NRXN3: variants seen among roughly 807,000 people sequenced by gnomAD.
NRXN3 encodes neurexin III.
Under a neutral mutation model 137.6 loss-of-function variants are expected in NRXN3, and 32 were observed. That is an observed-to-expected ratio of 0.23 (90% CI 0.18 to 0.31). The LOEUF (loss-of-function observed/expected upper bound fraction) is 0.31, where lower values mean the gene tolerates loss of function less well. Among genes scored for constraint, NRXN3 ranks in the 10% least tolerant of loss-of-function variants. The pLI, the probability that NRXN3 is intolerant of heterozygous loss-of-function variation, is 1.00. For missense variants in NRXN3, 1,574 were observed against 2,062.5 expected (o/e 0.76, Z 4.59); for synonymous variants, 798 against 784.5 (o/e 1.02, Z -0.29).
intron 8 of NRXN3, among the ~76,000 whole-genome samples, chr14:78,776,967 T>G (rs2098746671): frequency 6.6e-6 from 1 of 152,220 alleles, no homozygotes; most frequent in Non-Finnish European, 1.5e-5. Context: ...GTTGCTGGTC[T>G]CAGAGCCCTA....
In NRXN3 at chr14:79,120,568, G is replaced by A. The variant is rs529744782; in HGVS notation, c.3262+132427G>A. Among the ~76,000 whole-genome samples, 5 of 152,216 alleles carry A rather than the reference G, an allele frequency of 3.3e-5. No individual in the cohort carries two copies. The South Asian group carries it at 6.2e-4, about 19-fold the overall frequency. Reference sequence around the variant, plus strand: ...AAATCAAACCATAGAAAAGCAGGGAGAGTGTGAGAATATATTCACCATGTG... The same window carrying A: ...AAATCAAACCATAGAAAAGCAGGGAAAGTGTGAGAATATATTCACCATGTG... On this transcript the variant is annotated intron_variant, in intron 15 of 20. Coordinates refer to ENST00000335750, the MANE Select transcript of NRXN3 (RefSeq NM_001330195.2).
intron 11 of NRXN3, among the ~76,000 whole-genome samples, chr14:78,958,910 A>T (rs1196380896): frequency 6.6e-6 from 1 of 152,228 alleles, no homozygotes; most frequent in African/African-American, 2.4e-5. Context: ...GACAGTCAGT[A>T]GCCCTGGGGG....
intron 10 of NRXN3, among the ~76,000 whole-genome samples, chr14:78,818,366 G>T (rs538192713): frequency 6.6e-6 from 1 of 151,902 alleles, no homozygotes; most frequent in Non-Finnish European, 1.5e-5. Flanking sequence ...TATCCATTGC[G>T]CTACCTTAAT....
intron 15 of NRXN3, among the ~76,000 whole-genome samples, chr14:79,344,979 A>G (rs980242601): frequency 3.3e-5 from 5 of 152,176 alleles, no homozygotes; most frequent in South Asian, 2.1e-4. Context: ...CTGAATATCA[A>G]CTGTAAGAAG....
At chr14:79,257,502 G>A (rs1460525589) in intron 15 of NRXN3, among the ~76,000 whole-genome samples, 1 of 36,814 alleles carries the variant, frequency 2.7e-5, no homozygotes, top group Admixed American at 3.0e-4. Flanking sequence ...GGTGGTGGTG[G>A]TGGTGGTAGT....
At chr14:78,283,128 T>C (rs956876667) in intron 3 of NRXN3, 2 of 152,124 alleles carry the variant, frequency 1.3e-5, no homozygotes, top group Admixed American at 6.5e-5. Flanking sequence ...TCTGATCTGG[T>C]TGTGGGGAGG....
chr14:78,742,286 A>T (rs6574468), intron 8 of NRXN3, among the ~76,000 whole-genome samples: 25,053 of 152,134 alleles, frequency 0.16, 2,590 homozygotes, highest in African/African-American at 0.28. Flanking sequence ...GGCTCTGAAG[A>T]CAGTCATATG....
intron 15 of NRXN3, among the ~76,000 whole-genome samples, chr14:79,185,763 C>T (rs909765765): frequency 3.9e-5 from 6 of 152,172 alleles, no homozygotes; most frequent in South Asian, 2.1e-4. Flanking sequence ...CCACCGTACC[C>T]GGCCCATACT....
intron 1 of NRXN3, among the ~76,000 whole-genome samples, chr14:78,212,834 G>A (rs2062874703): frequency 6.6e-6 from 1 of 152,102 alleles, no homozygotes; most frequent in South Asian, 2.1e-4. Context: ...TTTTGGTAGT[G>A]GAACTTTTTT....
intron 4 of NRXN3, among the ~76,000 whole-genome samples, chr14:78,456,837 C>CTTTCTTTCTTTCT (rs2094731847): frequency 7.6e-6 from 1 of 130,734 alleles, no homozygotes; most frequent in Non-Finnish European, 1.7e-5. Flanking sequence ...TTCTTTCTTT[C>CTTTCTTTCTTTCT]TTTCTTTCTT....
chr14:79,138,129 C>T (rs2058430503), intron 15 of NRXN3, among the ~76,000 whole-genome samples: 1 of 152,130 alleles, frequency 6.6e-6, no homozygotes, highest in Non-Finnish European at 1.5e-5. Context: ...AGGAATCAAA[C>T]TTGGATATAT....
rs1324241017 is a variant in NRXN3 at position 78,297,899 on chromosome 14, C to G, written c.757+39C>G. On this transcript the variant is annotated intron_variant, in intron 4 of 20. Transcript: ENST00000335750. ...GCTTGTGGTCCTGCAGCTGCCTGAA[C>G]TGCTTGCCTCCGTGCCTCTGGCTGG... The G allele has an allele frequency of 2.1e-5, 33 of 1,535,646 alleles. No individual in the cohort carries two copies. The Admixed American group carries it at 6.5e-4, about 30-fold the overall frequency.
At chr14:79,201,950 T>C (rs143160849) in intron 15 of NRXN3, among the ~76,000 whole-genome samples, 70 of 152,364 alleles carry the variant, frequency 4.6e-4, no homozygotes, top group African/African-American at 1.7e-3. Flanking sequence ...TAAAGCCATA[T>C]AGTTAGTAAG....
At chr14:79,588,883 T>C (rs1307339139) in intron 16 of NRXN3, among the ~76,000 whole-genome samples, 1 of 152,188 alleles carries the variant, frequency 6.6e-6, no homozygotes, top group African/African-American at 2.4e-5. Flanking sequence ...TCATGGAAGA[T>C]AGATAGGGTA....
intron 1 of NRXN3, among the ~76,000 whole-genome samples, chr14:78,210,004 G>A (rs1427151181): frequency 6.6e-6 from 1 of 152,172 alleles, no homozygotes. Flanking sequence ...ACACTGATGT[G>A]TCACCAGCAC....
intron 4 of NRXN3, among the ~76,000 whole-genome samples, chr14:78,465,224 C>T (rs1043883298): frequency 3.3e-5 from 5 of 151,558 alleles, no homozygotes; most frequent in Admixed American, 6.6e-5. Context: ...AAAAGGGTTA[C>T]GGAGAAGGAC....
intron 4 of NRXN3, among the ~76,000 whole-genome samples, chr14:78,519,366 G>T (rs1483297147): frequency 6.6e-6 from 1 of 152,068 alleles, no homozygotes; most frequent in Non-Finnish European, 1.5e-5. Context: ...TCATCATTGT[G>T]GTAGATGTGT....
chr14:79,494,613 C>T (rs1273514882), intron 16 of NRXN3, among the ~76,000 whole-genome samples: 1 of 152,018 alleles, frequency 6.6e-6, no homozygotes, highest in African/African-American at 2.4e-5. Flanking sequence ...TATTGAGGGT[C>T]AGTTTATATA....
At chr14:78,821,265 G>C (rs1330180558) in intron 10 of NRXN3, among the ~76,000 whole-genome samples, 2 of 152,136 alleles carry the variant, frequency 1.3e-5, no homozygotes, top group East Asian at 3.9e-4. Flanking sequence ...ATCCACAAGT[G>C]CGGGCAGGAT....
Sources: gnomAD v4.1 joint callset for allele counts (sites outside exome capture counted in the v4.1 genomes callset) on GRCh38, gnomAD v4.1.1 for gene constraint, MANE v1.5 for transcripts, NCBI Gene and HGNC (gene_info 2026-07-23, HGNC 2026-07-21) for gene names.